Variants in MEGF11 observed in about 807,000 individuals in gnomAD.
MEGF11 encodes multiple EGF like domains 11, also known as multiple epidermal growth factor-like domains protein 11.
Under a neutral mutation model 146.6 loss-of-function variants are expected in MEGF11, and 126 were observed. The observed-to-expected ratio is 0.86, with a 90% CI of 0.74 to 1.00. The LOEUF (loss-of-function observed/expected upper bound fraction) is 1.00, where lower values mean the gene tolerates loss of function less well. Ranked by LOEUF, MEGF11 falls within the 50% of genes least tolerant of loss-of-function variation. The pLI is 0.00. For missense variants in MEGF11, 1,509 were observed against 1,521.2 expected (o/e 0.99, Z 0.13); for synonymous variants, 532 against 583.4 (o/e 0.91, Z 1.27).
chr15:66,124,049 G>A (rs1472072546), intron 2 of MEGF11, 49 bp from the exon 3 acceptor site: 3 of 1,463,896 alleles, frequency 2.0e-6, no homozygotes, highest in Non-Finnish European at 2.9e-6. Context: ...TTGGGAAGCT[G>A]AGCTGATATT....
At chr15:65,957,468 A>G in intron 10 of MEGF11, 79 bp downstream of exon 10, 1 of 1,392,242 alleles carries the variant, frequency 7.2e-7, no homozygotes, top group South Asian at 1.4e-5. Flanking sequence ...GCAGGGCCAC[A>G]GTCCTGATTG....
chr15:66,080,646 T>A (rs2085809563), intron 5 of MEGF11, among the ~76,000 whole-genome samples: 1 of 152,264 alleles, frequency 6.6e-6, no homozygotes, highest in East Asian at 1.9e-4. Context: ...TGGAGAATAC[T>A]GAGTCGATGA....
chr15:65,952,011 T>A lies in MEGF11; in HGVS notation c.1287+5536A>T, dbSNP rs561089951. Among the ~76,000 whole-genome samples, 80 of 152,088 alleles carry A rather than the reference T, an allele frequency of 5.3e-4. 1 individual carries two copies. The highest frequency in any genetic ancestry group is 1.9e-3 in the South Asian group (9 of 4,812). ...AACGAGGCCCTATCTCTAAAAAAAA[T>A]TTTTTTTAAAGATATTTTGAGAGGC... On this transcript the variant is annotated intron_variant, in intron 10 of 25. Coordinates refer to ENST00000395614, the MANE Select transcript of MEGF11 (RefSeq NM_001385028.1).
At chr15:66,078,452 G>A (rs2085687879) in intron 5 of MEGF11, among the ~76,000 whole-genome samples, 1 of 152,246 alleles carries the variant, frequency 6.6e-6, no homozygotes, top group Non-Finnish European at 1.5e-5. Context: ...GCTGCGTCAG[G>A]AGGAAAGGAG....
chr15:66,232,399 A>G (rs1451326089), intron 1 of MEGF11, among the ~76,000 whole-genome samples: 1 of 152,184 alleles, frequency 6.6e-6, no homozygotes, highest in African/African-American at 2.4e-5. Flanking sequence ...ATCTGGAATC[A>G]GCTGTGCTGC....
chr15:65,990,706 AG>A (rs1320597191), intron 5 of MEGF11, among the ~76,000 whole-genome samples: 64 of 45,742 alleles, frequency 1.4e-3, no homozygotes, highest in African/African-American at 4.2e-3. Context: ...AAAGAAAGAA[AG>A]GAAGGAAGAA....
At chr15:66,183,826 G>T (rs769324911) in intron 1 of MEGF11, among the ~76,000 whole-genome samples, 2 of 152,144 alleles carry the variant, frequency 1.3e-5, no homozygotes, top group South Asian at 2.1e-4. Context: ...TGCAGATGCC[G>T]CAGTCCCATG....
intron 1 of MEGF11, among the ~76,000 whole-genome samples, chr15:66,209,618 T>C (rs2091392758): frequency 6.6e-6 from 1 of 152,214 alleles, no homozygotes; most frequent in African/African-American, 2.4e-5. Context: ...ACAACCTGGA[T>C]AAATCTCCAG....
At chr15:66,092,072 G>A (rs1301466903) in intron 5 of MEGF11, among the ~76,000 whole-genome samples, 2 of 152,194 alleles carry the variant, frequency 1.3e-5, no homozygotes, top group African/African-American at 2.4e-5. Flanking sequence ...GAGCATCATG[G>A]TCATCCATCA....
Position 65,929,747 on chromosome 15 carries a change from CA to C in MEGF11, c.1544del (p.Leu515ArgfsTer16). The C allele has an allele frequency of 6.4e-7, 1 of 1,552,472 alleles. No individual in the cohort carries two copies. The highest frequency in any genetic ancestry group is 2.4e-5 in the East Asian group (1 of 40,948). ...GGCAAGGCAGCTCACAGGTGTCTCC[CA>C]GCCAGCCAGGAGTGCAGGAGCAGGA... ...DGSCSCTPGW[L>X]GDTCELPCPD... On this transcript the variant is annotated frameshift_variant, in exon 12 of 26. Coordinates refer to ENST00000395614, the MANE Select transcript of MEGF11 (RefSeq NM_001385028.1). LOFTEE classifies it high-confidence loss of function.
chr15:66,232,152 G>A (rs2091979681), intron 1 of MEGF11, among the ~76,000 whole-genome samples: 1 of 152,216 alleles, frequency 6.6e-6, no homozygotes, highest in African/African-American at 2.4e-5. Context: ...GGAGCCTGCA[G>A]AGCTGAACAT....
In MEGF11 at chr15:66,246,420, G is replaced by A. The variant is rs76861169; in HGVS notation, c.-9+7185C>T. On this transcript the variant is annotated intron_variant, in intron 1 of 25. Coordinates refer to ENST00000395614, the MANE Select transcript of MEGF11 (RefSeq NM_001385028.1). The stretch of plus-strand genomic sequence containing the variant: ...CAAAAGTGAAGAAACCAGAAGGGGA[G>A]ATGACTTGAGAGGTGAGGAAACATT... Among the ~76,000 whole-genome samples the A allele has an allele frequency of 1.8e-3, 273 of 152,226 alleles. 1 individual carries two copies. The East Asian group carries it at 0.025, about 14-fold the overall frequency.
At chr15:66,122,646 C>T (rs532284794) in intron 3 of MEGF11, among the ~76,000 whole-genome samples, 3 of 152,334 alleles carry the variant, frequency 2.0e-5, no homozygotes, top group Admixed American at 6.5e-5. Context: ...CAAATAGTGT[C>T]GCTTCACATG....
intron 7 of MEGF11, among the ~76,000 whole-genome samples, chr15:65,971,866 C>G (rs1181326268): frequency 6.6e-6 from 1 of 151,986 alleles, no homozygotes; most frequent in East Asian, 1.9e-4. Flanking sequence ...GAAATAGGAA[C>G]CATGCCTGGA....
chr15:65,910,602 C>G (rs2078770836), intron 21 of MEGF11, among the ~76,000 whole-genome samples: 1 of 152,170 alleles, frequency 6.6e-6, no homozygotes, highest in Non-Finnish European at 1.5e-5. Flanking sequence ...GTTGGCTACT[C>G]TGCAGTAATT....
At chr15:66,055,715 A>G (rs2084646663) in intron 5 of MEGF11, among the ~76,000 whole-genome samples, 1 of 152,218 alleles carries the variant, frequency 6.6e-6, no homozygotes, top group Non-Finnish European at 1.5e-5. Context: ...GGAAGGGACC[A>G]ACTTGTTGTT....
intron 5 of MEGF11, among the ~76,000 whole-genome samples, chr15:66,066,810 T>C (rs1000430143): frequency 6.6e-6 from 1 of 152,096 alleles, no homozygotes; most frequent in Non-Finnish European, 1.5e-5. Context: ...AAACAAACCA[T>C]TGTGTTTCCA....
chr15:66,153,514 A>T (rs938642928), intron 1 of MEGF11, among the ~76,000 whole-genome samples: 4 of 152,112 alleles, frequency 2.6e-5, no homozygotes, highest in Non-Finnish European at 5.9e-5. Flanking sequence ...CAGAGGTTGC[A>T]GTGAGCCGAG....
intron 1 of MEGF11, among the ~76,000 whole-genome samples, chr15:66,223,909 C>T (rs1005791185): frequency 6.6e-6 from 1 of 152,148 alleles, no homozygotes; most frequent in Non-Finnish European, 1.5e-5. Context: ...GTACGTCCCC[C>T]TCCTTGGGGT....
Sources: gnomAD v4.1 joint callset for allele counts (sites outside exome capture counted in the v4.1 genomes callset) on GRCh38, gnomAD v4.1.1 for gene constraint, MANE v1.5 for transcripts, NCBI Gene and HGNC (gene_info 2026-07-23, HGNC 2026-07-21) for gene names.